CELF2: variants seen among roughly 807,000 people sequenced by gnomAD.
CELF2 encodes CUG triplet repeat RNA-binding protein 2.
CELF2 carries 8 observed loss-of-function variants against 62.6 expected under a neutral mutation model. The ratio of observed to expected loss-of-function variants is 0.13; its 90% confidence interval spans 0.07 to 0.23. The LOEUF (loss-of-function observed/expected upper bound fraction) is 0.23. CELF2 is among the 10% of genes least tolerant of loss of function. The probability of loss-of-function intolerance (pLI) is 1.00; values close to 1 mark genes in which losing one functional copy is unlikely to be tolerated. For missense variants in CELF2, 333 were observed against 671.0 expected, an observed-to-expected ratio of 0.50 and a Z score of 5.56; for synonymous variants, 258 against 250.0, an observed-to-expected ratio of 1.03 and a Z score of -0.30.
At chr10:10,528,744 G>A in the CELF2 span, among the ~76,000 whole-genome samples, 1 of 152,224 alleles carries the variant, frequency 6.6e-6, no homozygotes, top group African/African-American at 2.4e-5. Context: ...TAAGTGAAAG[G>A]AGAATGCAGA....
rs1343958906 is a variant in CELF2 at position 11,297,686 on chromosome 10, T to C, written c.976+9134T>C. On this transcript the variant is annotated intron_variant, in intron 9 of 12. Coordinates refer to ENST00000633077, the MANE Select transcript of CELF2 (RefSeq NM_001326342.2). The surrounding 1 kb of genome is among the most constrained non-coding windows in gnomAD (Gnocchi z 4.4). ...TGTGAATATTTTTAAAAATCTGTAA[T>C]GGGGCCAGTCATGGCAGTTCACACC... is the stretch of plus-strand genomic sequence containing the variant. 6.6e-6 allele frequency among the ~76,000 whole-genome samples: 1 copy of C among 152,210 alleles called. No homozygotes were observed. Among genetic ancestry groups the C allele is most frequent in the Non-Finnish European group, 1.5e-5 (1 of 68,036 alleles).
chr10:11,017,992 G>T lies in CELF2; in HGVS notation c.-98G>T. 1.0e-6 allele frequency: 1 copy of T among 997,278 alleles called. No individual in the cohort carries two copies. The highest frequency in any genetic ancestry group is 1.2e-6 in the Non-Finnish European group (1 of 838,592). The allele number at this position is 997,278 out of a possible 1,614,324, so 61.8% of individuals were successfully genotyped here. ...GCCGGCTCGGCGGCCGCCGGGGGAGGCCGCGCGCACCTGTCCCTGCCCGTC... is the reference window on the plus strand; with the variant it reads ...GCCGGCTCGGCGGCCGCCGGGGGAGTCCGCGCGCACCTGTCCCTGCCCGTC... On this transcript the variant is annotated 5_prime_UTR_variant, in exon 1 of 13. Transcript: ENST00000633077. This position sits in a 1 kb window ranked among gnomAD's most constrained non-coding sequence, Gnocchi z 5.5.
chr10:10,735,119 A>G, the CELF2 span, among the ~76,000 whole-genome samples: 1 of 152,250 alleles, frequency 6.6e-6, no homozygotes, highest in East Asian at 1.9e-4. Flanking sequence ...TTATAACTAT[A>G]AAATGTCTTG....
chr10:11,307,365 G>A (rs548503308), intron 9 of CELF2, among the ~76,000 whole-genome samples: 5 of 152,354 alleles, frequency 3.3e-5, no homozygotes, highest in Non-Finnish European at 5.9e-5. Flanking sequence ...CCTGCAAGGT[G>A]GGAGAAGGTC....
rs1248659120 is a variant in CELF2 at position 11,260,051 on chromosome 10, A to G, written c.538+2179A>G. Reference sequence around the variant, plus strand: ...CGAAATCTATAATGGCTTAGGGGCCAGTGACCCCAAGTTCCAGACCCACAA... The same window carrying G: ...CGAAATCTATAATGGCTTAGGGGCCGGTGACCCCAAGTTCCAGACCCACAA... On this transcript the variant is annotated intron_variant, in intron 5 of 12. Coordinates refer to ENST00000633077, the MANE Select transcript of CELF2 (RefSeq NM_001326342.2). The surrounding 1 kb of genome is among the most constrained non-coding windows in gnomAD (Gnocchi z 4.2). Among the ~76,000 whole-genome samples, 1 of 152,230 alleles carries G rather than the reference A, an allele frequency of 6.6e-6. No homozygotes were observed. Among genetic ancestry groups the G allele is most frequent in the Admixed American group, 6.5e-5 (1 of 15,286 alleles).
chr10:10,890,677 T>G (rs2062072508), intron 1 of CELF2, among the ~76,000 whole-genome samples: 1 of 152,170 alleles, frequency 6.6e-6, no homozygotes, highest in Non-Finnish European at 1.5e-5. Context: ...CGCAAAGTGT[T>G]TCTTCCATTT....
rs2046397987 is a variant in CELF2 at position 10,936,439 on chromosome 10, T to C, written c.89+16440T>C. Among the ~76,000 whole-genome samples, 1 of 152,196 alleles carries C rather than the reference T, an allele frequency of 6.6e-6. No homozygotes were observed. Among genetic ancestry groups the C allele is most frequent in the African/African-American group, 2.4e-5 (1 of 41,434 alleles). ...ATGGAACCTGTTTTGCATCGTCTCCTTGTTTCACAGATGAATAGGCTGAAG... is the reference window on the plus strand; with the variant it reads ...ATGGAACCTGTTTTGCATCGTCTCCCTGTTTCACAGATGAATAGGCTGAAG... On this transcript the variant is annotated intron_variant, in intron 2 of 13. Transcript: ENST00000636488. The surrounding 1 kb of genome is among the most constrained non-coding windows in gnomAD (Gnocchi z 4.0).
In CELF2 at chr10:11,290,309, C is replaced by T. The variant is rs974670813; in HGVS notation, c.976+1757C>T. Among the ~76,000 whole-genome samples the T allele has an allele frequency of 1.2e-4, 19 of 152,106 alleles. No homozygotes were observed. Among genetic ancestry groups the T allele is most frequent in the African/African-American group, 4.1e-4 (17 of 41,406 alleles). ...CCTCTCTCAAAAGGTGACCTTTGAG[C>T]AGAGACCTGAGTTCCGTGACGGAAG... is the stretch of plus-strand genomic sequence containing the variant. On this transcript the variant is annotated intron_variant, in intron 9 of 12. Coordinates refer to ENST00000633077, the MANE Select transcript of CELF2 (RefSeq NM_001326342.2). This position sits in a 1 kb window ranked among gnomAD's most constrained non-coding sequence, Gnocchi z 4.3.
intron 1 of CELF2, among the ~76,000 whole-genome samples, chr10:11,079,629 T>C (rs758223104): frequency 1.3e-5 from 2 of 152,162 alleles, no homozygotes; most frequent in Non-Finnish European, 2.9e-5. Flanking sequence ...GCCATGATTG[T>C]AAGTTTCCTG....
chr10:11,212,935 G>T (rs1283728437), intron 2 of CELF2, among the ~76,000 whole-genome samples: 1 of 152,132 alleles, frequency 6.6e-6, no homozygotes, highest in East Asian at 1.9e-4. Flanking sequence ...TCCCATGCAG[G>T]TGCTTATTAG....
At chr10:10,903,836 GGA>G (rs2063126008) in intron 1 of CELF2, among the ~76,000 whole-genome samples, 1 of 152,150 alleles carries the variant, frequency 6.6e-6, no homozygotes, top group African/African-American at 2.4e-5. Flanking sequence ...TGCCCCTACA[GGA>G]CAGGAGGCCC....
rs1427236380 is a variant in CELF2 at position 11,267,433 on chromosome 10, A to G, written c.618+756A>G. Among the ~76,000 whole-genome samples, 1 of 152,172 alleles carries G rather than the reference A, an allele frequency of 6.6e-6. No homozygotes were observed. The highest frequency in any genetic ancestry group is 2.4e-5 in the African/African-American group (1 of 41,440). On this transcript the variant is annotated intron_variant, in intron 6 of 12. Transcript: ENST00000633077. This position sits in a 1 kb window ranked among gnomAD's most constrained non-coding sequence, Gnocchi z 4.4. ...TCAGAATTTTGCACAAAAGCATTCC[A>G]AGAGTGATATGCCGTTACTTCTTCT...
Position 11,214,061 on chromosome 10 carries a change from A to G in CELF2, c.272-3364A>G, listed in dbSNP as rs144925105. Among the ~76,000 whole-genome samples the G allele has an allele frequency of 6.8e-3, 1,041 of 152,236 alleles. 3 individuals carry two copies. Among genetic ancestry groups the G allele is most frequent in the Non-Finnish European group, 0.012 (822 of 68,010 alleles). ...GGCTTTGGGAGGCCGAGGTGGGAGG[A>G]CCACTTGAGGCCAGGAGTCCAAGAC... On this transcript the variant is annotated intron_variant, in intron 2 of 12. Transcript: ENST00000633077. The surrounding 1 kb of genome is among the most constrained non-coding windows in gnomAD (Gnocchi z 4.2).
rs2088292335 is a variant in CELF2 at position 11,280,935 on chromosome 10, G to C, written c.841+5815G>C. Among the ~76,000 whole-genome samples the C allele has an allele frequency of 1.3e-5, 2 of 152,060 alleles. No homozygotes were observed. Among genetic ancestry groups the C allele is most frequent in the Admixed American group, 1.3e-4 (2 of 15,280 alleles). ...CAGGAAGGTAGCTAAGAATGGAGGA[G>C]CTCGGGCTCGCCTGGCTGCTTCTGA... On this transcript the variant is annotated intron_variant, in intron 8 of 12. Transcript: ENST00000633077. This position sits in a 1 kb window ranked among gnomAD's most constrained non-coding sequence, Gnocchi z 7.6.
the CELF2 span, among the ~76,000 whole-genome samples, chr10:10,484,469 A>C: frequency 6.7e-6 from 1 of 148,442 alleles, no homozygotes; most frequent in Non-Finnish European, 1.5e-5. Flanking sequence ...GGCACATGCC[A>C]CCATGCCCAG....
At chr10:10,515,608 T>C in the CELF2 span, among the ~76,000 whole-genome samples, 3 of 152,218 alleles carry the variant, frequency 2.0e-5, no homozygotes, top group East Asian at 1.9e-4. Context: ...TCTGTTATTA[T>C]CCCCGTTAAC....
chr10:10,978,329 T>C (rs1210115816), intron 2 of CELF2, among the ~76,000 whole-genome samples: 1 of 152,224 alleles, frequency 6.6e-6, no homozygotes, highest in East Asian at 1.9e-4. Flanking sequence ...ATGTAAGTCT[T>C]GGTGGAGAAG....
rs575804721 is a variant in CELF2 at position 11,142,981 on chromosome 10, G to A, written c.75-22505G>A. On this transcript the variant is annotated intron_variant, in intron 1 of 12. Coordinates refer to ENST00000633077, the MANE Select transcript of CELF2 (RefSeq NM_001326342.2). ...TCCACTGGGGGAACTCACTCCCCTC[G>A]TGATTCTTCTGTCCTCCCTCCACTG... Among the ~76,000 whole-genome samples the A allele has an allele frequency of 2.1e-4, 32 of 150,314 alleles. No individual in the cohort carries two copies. The East Asian group carries it at 3.4e-3, about 16-fold the overall frequency.
chr10:10,919,118 AAGTT>A (rs2064628012), intron 1 of CELF2, among the ~76,000 whole-genome samples: 1 of 152,098 alleles, frequency 6.6e-6, no homozygotes, highest in Non-Finnish European at 1.5e-5. Context: ...AAAAATACAA[AAGTT>A]AGCTGCACGT....
Sources: gnomAD v4.1 joint callset for allele counts (sites outside exome capture counted in the v4.1 genomes callset) on GRCh38, gnomAD v4.1.1 for gene constraint, Gnocchi (gnomAD v3.1) non-coding constraint, MANE v1.5 for transcripts, NCBI Gene and HGNC (gene_info 2026-07-23, HGNC 2026-07-21) for gene names.